UACA: variants seen among roughly 807,000 people sequenced by gnomAD.
UACA encodes the protein nuclear membrane binding protein.
In UACA, 112 loss-of-function variants were observed where a neutral mutation model predicts 160.5. The observed-to-expected ratio is 0.70, with a 90% CI of 0.60 to 0.82. The LOEUF (loss-of-function observed/expected upper bound fraction) is 0.82, where lower values mean the gene tolerates loss of function less well. Among genes scored for constraint, UACA ranks in the 40% least tolerant of loss-of-function variants. The pLI, the probability that UACA is intolerant of heterozygous loss-of-function variation, is 0.00. For missense variants in UACA, 1,574 were observed against 1,614.6 expected (o/e 0.97, Z 0.43); for synonymous variants, 557 against 568.4 (o/e 0.98, Z 0.29).
intron 9 of UACA, among the ~76,000 whole-genome samples, chr15:70,680,702 C>T (rs7178037): frequency 0.13 from 19,652 of 152,120 alleles, 1,489 homozygotes; most frequent in African/African-American, 0.2. Context: ...CCACTATATC[C>T]TAACTCAGAC....
At position 70,729,802 on chromosome 15, in the gene UACA, G is replaced by T. The variant is rs865850636; in HGVS notation, c.79-30142C>A. 1.0e-4 allele frequency among the ~76,000 whole-genome samples: 14 copies of T among 137,140 alleles called. 2 individuals carry two copies. The highest frequency in any genetic ancestry group is 6.9e-4 in the South Asian group (3 of 4,330). 90.0% of individuals were successfully genotyped at this position (137,140 alleles called of 152,430 possible). A position where few individuals can be genotyped will look rare whatever the true frequency, so the allele number is the denominator to read the frequency against. On this transcript the variant is annotated intron_variant, in intron 1 of 18. Transcript: ENST00000322954. The stretch of plus-strand genomic sequence containing the variant: ...GCACGCAGCTGGAGATCTGAGAACG[G>T]GCAGACTGCCTCCTCAAGTGGGTCC...
At position 70,655,946 on chromosome 15, in the gene UACA, C is replaced by T. The variant is rs1896464635; in HGVS notation, c.*1110G>A. On this transcript the variant is annotated 3_prime_UTR_variant, in exon 19 of 19. Coordinates refer to ENST00000322954, the MANE Select transcript of UACA (RefSeq NM_018003.4). ...AAAATGTTAATAAAAAATAACAAGACATATAAACTTTCCCTAATGAGATGC... is the reference window on the plus strand; with the variant it reads ...AAAATGTTAATAAAAAATAACAAGATATATAAACTTTCCCTAATGAGATGC... 6.6e-6 allele frequency: 1 copy of T among 152,152 alleles called. No individual in the cohort carries two copies. The highest frequency in any genetic ancestry group is 2.1e-4 in the South Asian group (1 of 4,830). The allele number at this position is 152,152 out of a possible 1,614,324, so 9.4% of individuals were successfully genotyped here.
intron 1 of UACA, among the ~76,000 whole-genome samples, chr15:70,701,586 C>T (rs769398687): frequency 7.2e-4 from 110 of 152,048 alleles, no homozygotes; most frequent in Non-Finnish European, 1.4e-3. Context: ...ATTAAAGTCT[C>T]ACATTATCAT....
At chr15:70,726,317 G>T (rs1001122927) in intron 1 of UACA, among the ~76,000 whole-genome samples, 2 of 151,978 alleles carry the variant, frequency 1.3e-5, no homozygotes, top group Non-Finnish European at 2.9e-5. Context: ...CAAAGGATTG[G>T]CTCTTCCCCA....
intron 17 of UACA, among the ~76,000 whole-genome samples, chr15:70,662,015 A>C (rs1896723775): frequency 6.6e-6 from 1 of 152,192 alleles, no homozygotes; most frequent in Non-Finnish European, 1.5e-5. Flanking sequence ...GGCCAGGGCA[A>C]TCAGGCAGGA....
In UACA at chr15:70,656,950, T is replaced by G. The variant is rs1699200900; in HGVS notation, c.*106A>C. Reference sequence around the variant, plus strand: ...CCTACCAATAGAACAAAATATATTTTATTTTAATTATACCAGCACAGTAAG... The same window carrying G: ...CCTACCAATAGAACAAAATATATTTGATTTTAATTATACCAGCACAGTAAG... On this transcript the variant is annotated 3_prime_UTR_variant, in exon 19 of 19. Coordinates refer to ENST00000322954, the MANE Select transcript of UACA (RefSeq NM_018003.4). The G allele has an allele frequency of 8.0e-6, 6 of 754,588 alleles. No individual in the cohort carries two copies. In the South Asian group the frequency reaches 1.5e-4, roughly 19 times the overall value. 46.7% of individuals were successfully genotyped at this position (754,588 alleles called of 1,614,324 possible).
chr15:70,693,856 C>CTACATCA (rs1415278605), intron 3 of UACA, among the ~76,000 whole-genome samples: 1 of 152,162 alleles, frequency 6.6e-6, no homozygotes, highest in East Asian at 1.9e-4. Flanking sequence ...AAATATTCTT[C>CTACATCA]TACATCAATG....
Position 70,677,585 on chromosome 15 carries a change from A to G in UACA, c.1000-445T>C, listed in dbSNP as rs376664716. On this transcript the variant is annotated intron_variant, in intron 11 of 18. Transcript: ENST00000322954. ...CTTACTTTTGAAATGCAAATATCAC[A>G]TAAGATTTCACCTGTGGTAAGTCCT... 5.9e-5 allele frequency among the ~76,000 whole-genome samples: 9 copies of G among 152,338 alleles called. No individual in the cohort carries two copies. The East Asian group carries it at 1.3e-3, about 23-fold the overall frequency.
intron 5 of UACA, among the ~76,000 whole-genome samples, chr15:70,688,668 T>C (rs1156859423): frequency 6.6e-6 from 1 of 152,064 alleles, no homozygotes; most frequent in Non-Finnish European, 1.5e-5. Context: ...TACGTCCAAT[T>C]ATAAATGAGA....
chr15:70,759,557 A>C (rs2030625680), intron 1 of UACA, among the ~76,000 whole-genome samples: 2 of 152,244 alleles, frequency 1.3e-5, no homozygotes, highest in Non-Finnish European at 2.9e-5. Flanking sequence ...TGGGAGGCTG[A>C]GGCAGGAGAA....
At chr15:70,774,390 C>T in the UACA span, among the ~76,000 whole-genome samples, 3 of 151,722 alleles carry the variant, frequency 2.0e-5, no homozygotes, top group Admixed American at 6.6e-5. Flanking sequence ...ACCAATAATG[C>T]AAAAAATTAG....
chr15:70,657,153 A>G, intron 18 of UACA, 26 bp from the exon 19 acceptor site: 2 of 1,577,638 alleles, frequency 1.3e-6, no homozygotes, highest in Non-Finnish European at 1.7e-6. Flanking sequence ...AAAGAGGAGC[A>G]TTATTTTATG....
intron 9 of UACA, chr15:70,680,092 A>G (rs78244604): frequency 0.014 from 2,202 of 153,324 alleles, 51 homozygotes; most frequent in African/African-American, 0.051. Context: ...AAGACAATAC[A>G]GAAATTATTT....
At chr15:70,745,130 A>T (rs1019359505) in intron 1 of UACA, among the ~76,000 whole-genome samples, 4 of 152,104 alleles carry the variant, frequency 2.6e-5, no homozygotes, top group African/African-American at 9.7e-5. Context: ...TGCTGAAGGA[A>T]ATAAGAGAGG....
chr15:70,671,083 C>T lies in UACA; in HGVS notation c.1177G>A (p.Asp393Asn), dbSNP rs1465988518. Residue 393 changes from aspartate (D) to asparagine (N), a missense_variant, in exon 15 of 19, where the codon GAT becomes AAT. Transcript: ENST00000322954. Reference protein sequence around the residue: ...SGSHFSNRKEDMLLKQGQMYM... With the variant: ...SGSHFSNRKENMLLKQGQMYM... ...ATCTGACCTTGTTTAAGAAGCATAT[C>T]TTCTTTTCCTAAATAAATGCAAATG... 6.3e-7 allele frequency: 1 copy of T among 1,590,908 alleles called. No individual in the cohort carries two copies. The highest frequency in any genetic ancestry group is 1.3e-5 in the African/African-American group (1 of 74,136).
chr15:70,744,034 G>A (rs1899619484), intron 1 of UACA, among the ~76,000 whole-genome samples: 1 of 152,034 alleles, frequency 6.6e-6, no homozygotes, highest in African/African-American at 2.4e-5. Flanking sequence ...CACGAGGTCA[G>A]GAGATCGAGA....
rs1896956583 is a variant in UACA at position 70,667,401 on chromosome 15, T to C, written c.3283A>G (p.Lys1095Glu). The change falls in exon 16 of 19, where the codon AAA (lysine) becomes GAA (glutamate). Residue 1095 changes from lysine to glutamate, a missense_variant. Physicochemically the swap from Lys to Glu is moderately conservative, Grantham distance 56 (BLOSUM62 1). Transcript: ENST00000322954. ...ACTGCAAGTATCTCAGAAGTCTGTT[T>C]GGCATTTTCTTCTACTAGCTTCTCT... The part of the protein sequence containing the change: ...VKEKLVEENA[K>E]QTSEILAVQN... 1 of 1,611,864 alleles carries C rather than the reference T, an allele frequency of 6.2e-7. No individual in the cohort carries two copies. Among genetic ancestry groups the C allele is most frequent in the African/African-American group, 1.3e-5 (1 of 74,910 alleles).
At chr15:70,755,726 C>T (rs1031705176) in intron 1 of UACA, among the ~76,000 whole-genome samples, 2 of 151,748 alleles carry the variant, frequency 1.3e-5, no homozygotes, top group African/African-American at 4.8e-5. Context: ...AATCCCCAAG[C>T]TGCACGCCCT....
At chr15:70,687,888 G>C (rs1897788124) in intron 5 of UACA, 68 bp from the exon 6 acceptor site, 2 of 1,452,290 alleles carry the variant, frequency 1.4e-6, no homozygotes, top group Non-Finnish European at 1.9e-6. Context: ...GTTTTTCTAG[G>C]TCCATATAAG....
Sources: gnomAD v4.1 joint callset for allele counts (sites outside exome capture counted in the v4.1 genomes callset) on GRCh38, gnomAD v4.1.1 for gene constraint, MANE v1.5 for transcripts, NCBI Gene and HGNC (gene_info 2026-07-23, HGNC 2026-07-21) for gene names.